The following MARCHF4 variants were observed in gnomAD, a reference collection of about 807,000 sequenced individuals.
The protein encoded by MARCHF4 is E3 ubiquitin-protein ligase MARCHF4.
A neutral mutation model predicts 43.9 loss-of-function variants in MARCHF4; 14 were observed. That is an observed-to-expected ratio of 0.32 (90% CI 0.21 to 0.50). The LOEUF (loss-of-function observed/expected upper bound fraction) is 0.50, where lower values mean the gene tolerates loss of function less well. Among genes scored for constraint, MARCHF4 ranks in the 20% least tolerant of loss-of-function variants. MARCHF4 has a pLI of 0.98. For missense variants in MARCHF4, 468 were observed against 536.7 expected (o/e 0.87, Z 1.27); for synonymous variants, 226 against 213.3 (o/e 1.06, Z -0.52).
At chr2:216,346,455 T>A (rs775350230) in intron 1 of MARCHF4, among the ~76,000 whole-genome samples, 45 of 152,266 alleles carry the variant, frequency 3.0e-4, no homozygotes, top group Admixed American at 9.8e-4. Context: ...AATACTGAAG[T>A]AGACACAACA....
At chr2:216,274,920 G>C (rs985742805) in intron 3 of MARCHF4, among the ~76,000 whole-genome samples, 2 of 151,964 alleles carry the variant, frequency 1.3e-5, no homozygotes, top group Non-Finnish European at 2.9e-5. Context: ...ACTCCTTAAA[G>C]GTGAGATGGT....
chr2:216,347,794 A>G (rs1298970854), intron 1 of MARCHF4, among the ~76,000 whole-genome samples: 1 of 151,322 alleles, frequency 6.6e-6, no homozygotes, highest in Non-Finnish European at 1.5e-5. Context: ...CGGTAAAGAC[A>G]GAGAAGAATT....
intron 1 of MARCHF4, among the ~76,000 whole-genome samples, chr2:216,305,166 G>A (rs1313372215): frequency 1.3e-5 from 2 of 152,162 alleles, no homozygotes; most frequent in East Asian, 1.9e-4. Context: ...AGCTGCAGGA[G>A]GGCAGGACTA....
intron 1 of MARCHF4, among the ~76,000 whole-genome samples, chr2:216,316,998 C>A (rs773710467): frequency 9.9e-5 from 15 of 152,122 alleles, no homozygotes; most frequent in Non-Finnish European, 5.9e-5. Flanking sequence ...AGGGGGACTG[C>A]CTGCAAGGGA....
intron 1 of MARCHF4, among the ~76,000 whole-genome samples, chr2:216,309,574 A>G (rs114872101): frequency 0.017 from 2,622 of 152,338 alleles, 77 homozygotes; most frequent in African/African-American, 0.06. Flanking sequence ...GAAATGGGTT[A>G]CATGACCCAA....
chr2:216,366,886 C>T (rs560726212), intron 1 of MARCHF4, among the ~76,000 whole-genome samples: 154 of 152,302 alleles, frequency 1.0e-3, no homozygotes, highest in Non-Finnish European at 1.3e-3. Flanking sequence ...CTCCTGAATA[C>T]TCATGCCTGG....
At chr2:216,355,968 C>T (rs1250633831) in intron 1 of MARCHF4, among the ~76,000 whole-genome samples, 1 of 152,236 alleles carries the variant, frequency 6.6e-6, no homozygotes, top group East Asian at 1.9e-4. Context: ...CACTCATTCA[C>T]CTGCCGCTGG....
chr2:216,311,039 C>G (rs528786206), intron 1 of MARCHF4, among the ~76,000 whole-genome samples: 32 of 152,268 alleles, frequency 2.1e-4, no homozygotes, highest in African/African-American at 7.0e-4. Context: ...ACAATCCTAC[C>G]ATCTAGAGAT....
chr2:216,307,966 G>A (rs920139055), intron 1 of MARCHF4, among the ~76,000 whole-genome samples: 3 of 152,154 alleles, frequency 2.0e-5, no homozygotes, highest in Non-Finnish European at 4.4e-5. Flanking sequence ...TGACATGGGA[G>A]GATTGCTTGA....
At chr2:216,312,323 G>C (rs1003558921) in intron 1 of MARCHF4, among the ~76,000 whole-genome samples, 2 of 152,186 alleles carry the variant, frequency 1.3e-5, no homozygotes, top group Admixed American at 6.5e-5. Context: ...ATTCCAAGGT[G>C]TATATATACC....
intron 1 of MARCHF4, among the ~76,000 whole-genome samples, chr2:216,364,201 C>T (rs1178509325): frequency 1.3e-5 from 2 of 152,026 alleles, no homozygotes; most frequent in African/African-American, 4.8e-5. Flanking sequence ...CATTTGACAC[C>T]GCTTTTTTCC....
At chr2:216,278,218 T>TTTTA (rs3080594) in intron 2 of MARCHF4, among the ~76,000 whole-genome samples, 47,974 of 151,018 alleles carry the variant, frequency 0.32, 8,477 homozygotes, top group South Asian at 0.4. Context: ...CAGATGATTC[T>TTTTA]TTTATTTATT....
At chr2:216,342,646 G>A (rs1692255266) in intron 1 of MARCHF4, among the ~76,000 whole-genome samples, 3 of 152,138 alleles carry the variant, frequency 2.0e-5, no homozygotes, top group South Asian at 4.1e-4. Flanking sequence ...TCTTGTGGGA[G>A]GAATGAGTGG....
chr2:216,304,603 A>G (rs746763030), intron 1 of MARCHF4, among the ~76,000 whole-genome samples: 17 of 152,202 alleles, frequency 1.1e-4, no homozygotes, highest in Non-Finnish European at 2.5e-4. Flanking sequence ...AAATGTATAT[A>G]AGGCCAACAT....
In MARCHF4 at chr2:216,277,397, T is replaced by A. The variant is rs181841997; in HGVS notation, c.865+275A>T. The stretch of plus-strand genomic sequence containing the variant: ...GCTTGAAGTACATAGACTAACAATT[T>A]TTCCCAAATCCTCCTAGAGGCAGGC... On this transcript the variant is annotated intron_variant, in intron 3 of 3. Coordinates refer to ENST00000273067, the MANE Select transcript of MARCHF4 (RefSeq NM_020814.3). 2.0e-5 allele frequency among the ~76,000 whole-genome samples: 3 copies of A among 152,284 alleles called. No homozygotes were observed. In the East Asian group the frequency reaches 5.8e-4, roughly 29 times the overall value.
intron 1 of MARCHF4, among the ~76,000 whole-genome samples, chr2:216,336,917 T>G (rs1327993908): frequency 6.6e-6 from 1 of 151,938 alleles, no homozygotes; most frequent in African/African-American, 2.4e-5. Flanking sequence ...TTTGGGAGGC[T>G]GAGGCAGGCA....
At chr2:216,318,244 T>C (rs1237665102) in intron 1 of MARCHF4, 1 of 152,214 alleles carries the variant, frequency 6.6e-6, no homozygotes, top group Admixed American at 6.5e-5. Flanking sequence ...ACCACCTCTG[T>C]TGAGCAAAAT....
intron 1 of MARCHF4, among the ~76,000 whole-genome samples, chr2:216,286,520 T>A (rs1411862407): frequency 7.0e-6 from 1 of 143,496 alleles, no homozygotes. Flanking sequence ...CAACTCCATC[T>A]AAAAAAAAAA....
At chr2:216,359,961 T>G (rs761303635) in intron 1 of MARCHF4, among the ~76,000 whole-genome samples, 1 of 152,164 alleles carries the variant, frequency 6.6e-6, no homozygotes, top group Non-Finnish European at 1.5e-5. Flanking sequence ...GGCCCACACC[T>G]CTGTTCCTTG....
Sources: allele counts gnomAD v4.1 joint callset (sites outside exome capture counted in the v4.1 genomes callset), GRCh38; gene constraint gnomAD v4.1.1; transcripts MANE v1.5; gene names NCBI Gene and HGNC (gene_info 2026-07-23, HGNC 2026-07-21).